The following ARAP2 variants were observed in gnomAD, a reference collection of about 807,000 sequenced individuals.
ARAP2 encodes ArfGAP with RhoGAP domain, ankyrin repeat and PH domain 2.
A neutral mutation model predicts 194.5 loss-of-function variants in ARAP2; 148 were observed. The ratio of observed to expected loss-of-function variants is 0.76; its 90% confidence interval spans 0.67 to 0.87. The LOEUF (loss-of-function observed/expected upper bound fraction) is 0.87. ARAP2 is among the 40% of genes least tolerant of loss of function. The probability of loss-of-function intolerance (pLI) is 0.00; values close to 1 mark genes in which losing one functional copy is unlikely to be tolerated. For synonymous variants in ARAP2, 695 were observed against 683.5 expected (o/e 1.02, Z -0.26); for missense variants, 2,128 against 1,989.7 (o/e 1.07, Z -1.32).
intron 5 of ARAP2, among the ~76,000 whole-genome samples, chr4:36,045,581 CA>C (rs1721674589): frequency 2.0e-5 from 3 of 152,168 alleles, no homozygotes; most frequent in African/African-American, 7.2e-5. Flanking sequence ...ACAAATGGTA[CA>C]AAGTTTCAGT....
At chr4:36,091,088 C>T (rs760079525) in intron 28 of ARAP2, among the ~76,000 whole-genome samples, 3 of 152,034 alleles carry the variant, frequency 2.0e-5, no homozygotes, top group African/African-American at 7.2e-5. Context: ...ATATTAGCTC[C>T]GTGAATTTTA....
intron 6 of ARAP2, among the ~76,000 whole-genome samples, chr4:36,209,991 A>T (rs1210252857): frequency 3.3e-5 from 5 of 152,214 alleles, no homozygotes; most frequent in Admixed American, 1.3e-4. Context: ...TTGTATTCTC[A>T]AACAGAACAC....
At chr4:36,099,559 T>C (rs1716293713) in intron 27 of ARAP2, among the ~76,000 whole-genome samples, 1 of 152,136 alleles carries the variant, frequency 6.6e-6, no homozygotes, top group Non-Finnish European at 1.5e-5. Flanking sequence ...CCCTGGTTTG[T>C]GACAAACAAA....
rs1560556060 is a variant in ARAP2 at position 36,158,769 on chromosome 4, CAGA to C, written c.2710_2712del (p.Ser904del). 6.2e-7 allele frequency: 1 copy of C among 1,611,276 alleles called. No individual in the cohort carries two copies. Among genetic ancestry groups the C allele is most frequent in the African/African-American group, 1.3e-5 (1 of 74,904 alleles). The stretch of plus-strand genomic sequence containing the variant: ...TTCTCTGAAGAGAGTTTAGAAGCAG[CAGA>C]AGGAGCTTGATATAAAAAGTCACAG... On this transcript the variant is annotated inframe_deletion, in exon 15 of 33. Transcript: ENST00000303965.
At chr4:36,072,110 TA>T (rs71653570) in intron 32 of ARAP2, among the ~76,000 whole-genome samples, 3,945 of 152,202 alleles carry the variant, frequency 0.026, 79 homozygotes, top group Middle Eastern at 0.065. Flanking sequence ...TGAATTTTTT[TA>T]AAAAAATTTC....
intron 31 of ARAP2, among the ~76,000 whole-genome samples, chr4:36,076,520 C>T (rs1357714550): frequency 6.6e-6 from 1 of 152,030 alleles, no homozygotes; most frequent in Non-Finnish European, 1.5e-5. Context: ...TACTTCTTAT[C>T]ACTGCTTTTG....
intron 21 of ARAP2, among the ~76,000 whole-genome samples, chr4:36,127,760 A>C (rs1267235025): frequency 6.6e-6 from 1 of 151,934 alleles, no homozygotes; most frequent in African/African-American, 2.4e-5. Context: ...AGAAATGCTT[A>C]TGATTTATTA....
At chr4:36,116,359 C>T (rs1343804016) in intron 25 of ARAP2, among the ~76,000 whole-genome samples, 1 of 151,846 alleles carries the variant, frequency 6.6e-6, no homozygotes, top group Non-Finnish European at 1.5e-5. Context: ...AGAATGTCTA[C>T]TGTTCATACA....
chr4:36,029,128 T>C (rs185358862), intron 5 of ARAP2, among the ~76,000 whole-genome samples: 6 of 152,176 alleles, frequency 3.9e-5, no homozygotes, highest in Admixed American at 2.6e-4. Context: ...ATCTACCTTA[T>C]TGATTCTGTT....
intron 5 of ARAP2, among the ~76,000 whole-genome samples, chr4:36,029,896 T>G (rs1384754592): frequency 6.6e-6 from 1 of 152,104 alleles, no homozygotes; most frequent in Non-Finnish European, 1.5e-5. Context: ...TCTCATTTCT[T>G]CATTATCTTC....
At position 36,166,981 on chromosome 4, in the gene ARAP2, G is replaced by T. The variant is rs772066488; in HGVS notation, c.1924C>A (p.Arg642=). 1.1e-5 allele frequency: 17 copies of T among 1,608,340 alleles called. No individual in the cohort carries two copies. Among genetic ancestry groups the T allele is most frequent in the Non-Finnish European group, 1.4e-5 (16 of 1,177,936 alleles). The change falls in exon 10 of 33, where the codon CGA becomes AGA. Residue 642 remains arginine, a synonymous_variant. Transcript: ENST00000303965. ...ATTTCAAAAGATTGTTTCACAGTTC[G>T]GTCCACTTGCTTTACATTTGCTACA... ...MNVANVKQVD[R]TVKQSFEIIT...
chr4:36,079,445 C>A (rs1386780822), intron 31 of ARAP2, among the ~76,000 whole-genome samples: 2 of 152,028 alleles, frequency 1.3e-5, no homozygotes, highest in African/African-American at 4.8e-5. Context: ...AGGAAAATAC[C>A]TCCTCAGTAA....
intron 1 of ARAP2, among the ~76,000 whole-genome samples, chr4:36,059,809 T>G (rs1724115369): frequency 6.6e-6 from 1 of 152,054 alleles, no homozygotes; most frequent in Non-Finnish European, 1.5e-5. Flanking sequence ...CTGTAGATGG[T>G]GATAGGTCAA....
At chr4:36,150,764 A>G (rs964353486) in intron 16 of ARAP2, 136 bp downstream of exon 16, 2 of 933,198 alleles carry the variant, frequency 2.1e-6, no homozygotes, top group Non-Finnish European at 1.6e-6. Flanking sequence ...AAGGCGCAAG[A>G]TAAGTAAGCT....
rs540512194 is a variant in ARAP2, at chr4:36,224,048, G to GT, written c.905+4533dup. On this transcript the variant is annotated intron_variant, in intron 2 of 32. Transcript: ENST00000303965. The stretch of plus-strand genomic sequence containing the variant: ...AAGTGAGTGTTCAGCATACCTAGAG[G>GT]TTTTTTTTTTAATATTTTTAATCAC... Among the ~76,000 whole-genome samples the GT allele has an allele frequency of 6.4e-3, 945 of 147,718 alleles. 6 individuals are homozygous for GT. Among genetic ancestry groups the GT allele is most frequent in the African/African-American group, 0.016 (628 of 40,258 alleles).
intron 23 of ARAP2, 52 bp from the exon 24 acceptor site, chr4:36,119,770 A>T: frequency 8.0e-7 from 1 of 1,254,238 alleles, no homozygotes; most frequent in Non-Finnish European, 1.2e-6. Context: ...ACGAAGAGTG[A>T]TGACACTCAT....
intron 27 of ARAP2, among the ~76,000 whole-genome samples, chr4:36,102,908 C>G (rs943635354): frequency 6.6e-6 from 1 of 151,712 alleles, no homozygotes; most frequent in Non-Finnish European, 1.5e-5. Flanking sequence ...TAGTAAATAT[C>G]AGTGACTATC....
chr4:36,160,595 C>G lies in ARAP2; in HGVS notation c.2306G>C (p.Gly769Ala). The G allele has an allele frequency of 6.0e-6, 9 of 1,512,248 alleles. No homozygotes were observed. The highest frequency in any genetic ancestry group is 7.9e-6 in the Non-Finnish European group (9 of 1,140,830). The allele number at this position is 1,512,248 out of a possible 1,614,324, so 93.7% of individuals were successfully genotyped here. The change falls in exon 13 of 33, where the codon GGT (glycine) becomes GCT (alanine). Residue 769 changes from glycine to alanine, a missense_variant. By Grantham distance (60) the Gly-to-Ala change is moderately conservative. Transcript: ENST00000303965. ...TAATTCTTCATCCTTTTGAAGATTA[C>G]CAGCCCAAAAGTCATTTGCTCTTTT... Reference protein sequence around the residue: ...GNKRANDFWAGNLQKDEELHM... With the variant: ...GNKRANDFWAANLQKDEELHM...
At chr4:36,072,135 T>A (rs1464927549) in intron 32 of ARAP2, among the ~76,000 whole-genome samples, 4 of 152,120 alleles carry the variant, frequency 2.6e-5, no homozygotes, top group Admixed American at 6.6e-5. Flanking sequence ...TATTGCCTTA[T>A]AAAGTAAGTT....
Sources: allele counts gnomAD v4.1 joint callset (sites outside exome capture counted in the v4.1 genomes callset), GRCh38; gene constraint gnomAD v4.1.1; transcripts MANE v1.5; gene names NCBI Gene and HGNC (gene_info 2026-07-23, HGNC 2026-07-21).